The following NAV1 variants were observed in gnomAD, a reference collection of about 807,000 sequenced individuals.
NAV1 encodes pore membrane and/or filament interacting like protein 3.
In NAV1, 18 loss-of-function variants were observed where a neutral mutation model predicts 175.2. The ratio of observed to expected loss-of-function variants is 0.10; its 90% CI spans 0.07 to 0.15. The LOEUF (loss-of-function observed/expected upper bound fraction) is 0.15, where lower values mean the gene tolerates loss of function less well. Ranked by LOEUF, NAV1 falls within the 10% of genes least tolerant of loss-of-function variation. The probability of loss-of-function intolerance (pLI) is 1.00; values close to 1 mark genes in which losing one functional copy is unlikely to be tolerated. For missense variants in NAV1, 1,731 were observed against 2,436.6 expected, an observed-to-expected ratio of 0.71 and a Z score of 6.10; for synonymous variants, 897 against 978.7, an observed-to-expected ratio of 0.92 and a Z score of 1.56.
At chr1:201,797,437 T>C (rs1677525685) in intron 15 of NAV1, 1 of 152,248 alleles carries the variant, frequency 6.6e-6, no homozygotes, top group Non-Finnish European at 1.5e-5. Context: ...GTAGTAAGTT[T>C]GGAAATTGGG....
intron 2 of NAV1, among the ~76,000 whole-genome samples, chr1:201,638,238 T>C (rs929654978): frequency 3.3e-5 from 5 of 152,144 alleles, no homozygotes; most frequent in Non-Finnish European, 5.9e-5. Flanking sequence ...CCCTGACTTG[T>C]TGGGACTGTC....
intron 1 of NAV1, among the ~76,000 whole-genome samples, chr1:201,549,928 G>T (rs778067472): frequency 1.4e-5 from 2 of 147,080 alleles, no homozygotes; most frequent in Non-Finnish European, 3.0e-5. Context: ...GGAGAATGGC[G>T]TGAACCCAGG....
intron 1 of NAV1, among the ~76,000 whole-genome samples, chr1:201,549,498 C>G (rs374670364): frequency 6.6e-6 from 1 of 152,220 alleles, no homozygotes; most frequent in South Asian, 2.1e-4. Context: ...CATGCGCCAA[C>G]GCGCCTGGCC....
chr1:201,755,777 C>T (rs774611388), intron 3 of NAV1, among the ~76,000 whole-genome samples: 2 of 151,928 alleles, frequency 1.3e-5, no homozygotes, highest in Non-Finnish European at 2.9e-5. Flanking sequence ...TTATGCCTGG[C>T]GTGGAGAAGA....
chr1:201,621,910 C>G (rs181008846), upstream of NAV1, among the ~76,000 whole-genome samples: 40 of 152,094 alleles, frequency 2.6e-4, no homozygotes, highest in Non-Finnish European at 5.1e-4. Flanking sequence ...CTTTAAATTC[C>G]CTTTGAAATG....
intron 3 of NAV1, among the ~76,000 whole-genome samples, chr1:201,779,360 G>A (rs1307553172): frequency 9.9e-5 from 15 of 151,858 alleles, no homozygotes; most frequent in Admixed American, 9.8e-4. Flanking sequence ...GGGAGGCTGA[G>A]GCGGGCAGAT....
chr1:201,663,220 G>T (rs1389980557), intron 1 of NAV1, among the ~76,000 whole-genome samples: 1 of 152,254 alleles, frequency 6.6e-6, no homozygotes, highest in Admixed American at 6.5e-5. Context: ...CTTTGGCAAA[G>T]GTTTTAAGGT....
At chr1:201,698,872 G>A (rs967591640) in intron 1 of NAV1, among the ~76,000 whole-genome samples, 10 of 152,170 alleles carry the variant, frequency 6.6e-5, no homozygotes, top group East Asian at 1.9e-4. Flanking sequence ...CTCTTCTGCC[G>A]CTAACTCAAA....
At chr1:201,633,529 AG>A (rs1416027994) in intron 2 of NAV1, among the ~76,000 whole-genome samples, 2 of 152,150 alleles carry the variant, frequency 1.3e-5, no homozygotes, top group Non-Finnish European at 2.9e-5. Flanking sequence ...ACACTGTCCA[AG>A]CTCAACTCAG....
intron 2 of NAV1, among the ~76,000 whole-genome samples, chr1:201,612,893 G>T (rs1667896290): frequency 6.6e-6 from 1 of 152,020 alleles, no homozygotes. Context: ...TTGGTCTGAG[G>T]GGTGCAGCAG....
intron 3 of NAV1, among the ~76,000 whole-genome samples, chr1:201,779,014 TGTATAGCA>T (rs1404154193): frequency 6.6e-6 from 1 of 152,224 alleles, no homozygotes; most frequent in African/African-American, 2.4e-5. Context: ...CAAATACTCA[TGTATAGCA>T]GTCTTACTGA....
At chr1:201,605,857 G>T (rs112030747) in intron 2 of NAV1, among the ~76,000 whole-genome samples, 6,419 of 152,228 alleles carry the variant, frequency 0.042, 148 homozygotes, top group Middle Eastern at 0.068. Context: ...AAGCACTGTG[G>T]GGGGGTGTGA....
chr1:201,680,634 A>G (rs1670429602), intron 1 of NAV1, among the ~76,000 whole-genome samples: 1 of 152,192 alleles, frequency 6.6e-6, no homozygotes, highest in South Asian at 2.1e-4. Flanking sequence ...ATCTGGCCCC[A>G]TGACTCAAAC....
chr1:201,678,283 C>T (rs1415206090), intron 1 of NAV1, among the ~76,000 whole-genome samples: 1 of 152,212 alleles, frequency 6.6e-6, no homozygotes, highest in Non-Finnish European at 1.5e-5. Context: ...GCTGCTGCTG[C>T]CAAAGCAAGC....
intron 3 of NAV1, among the ~76,000 whole-genome samples, chr1:201,738,840 C>T (rs975007930): frequency 1.3e-5 from 2 of 152,130 alleles, no homozygotes; most frequent in Non-Finnish European, 2.9e-5. Flanking sequence ...TTGTTTTTGT[C>T]GCTTAAAGAA....
chr1:201,824,394 A>G (rs529205155), exon 30 of NAV1: 3 of 152,084 alleles, frequency 2.0e-5, no homozygotes, highest in Admixed American at 6.6e-5. Flanking sequence ...GCCTGAAGAT[A>G]TTGCCCCTTA....
chr1:201,636,128 C>T (rs1241778077), intron 2 of NAV1, among the ~76,000 whole-genome samples: 1 of 152,224 alleles, frequency 6.6e-6, no homozygotes, highest in African/African-American at 2.4e-5. Context: ...GGCCAGCCCT[C>T]CTTATAACTC....
intron 1 of NAV1, among the ~76,000 whole-genome samples, chr1:201,584,400 G>A (rs748617890): frequency 2.0e-5 from 3 of 152,246 alleles, no homozygotes; most frequent in Non-Finnish European, 4.4e-5. Flanking sequence ...AGATTCTCCA[G>A]AGTCATAATG....
At chr1:201,552,999 G>T (rs917027578) in intron 1 of NAV1, among the ~76,000 whole-genome samples, 2 of 152,278 alleles carry the variant, frequency 1.3e-5, no homozygotes, top group East Asian at 1.9e-4. Context: ...GGGGACGAGG[G>T]GGGCAGAGTG....
Sources: gnomAD v4.1 joint callset for allele counts (sites outside exome capture counted in the v4.1 genomes callset) on GRCh38, gnomAD v4.1.1 for gene constraint, MANE v1.5 for transcripts, NCBI Gene and HGNC (gene_info 2026-07-23, HGNC 2026-07-21) for gene names.